Variants in SHOC1 observed in about 807,000 individuals in gnomAD.
SHOC1 encodes protein shortage in chiasmata 1 ortholog.
A neutral mutation model predicts 179.2 loss-of-function variants in SHOC1; 136 were observed. That is an observed-to-expected ratio of 0.76 (90% CI 0.66 to 0.87). The LOEUF (loss-of-function observed/expected upper bound fraction) is 0.87. Ranked by LOEUF, SHOC1 falls within the 40% of genes least tolerant of loss-of-function variation. SHOC1 has a pLI of 0.00. For synonymous variants in SHOC1, 489 were observed against 586.6 expected (o/e 0.83, Z 2.41); for missense variants, 1,538 against 1,700.8 (o/e 0.90, Z 1.68).
At chr9:111,743,512 A>C (rs1230948739) in intron 10 of SHOC1, among the ~76,000 whole-genome samples, 2 of 152,200 alleles carry the variant, frequency 1.3e-5, no homozygotes, top group East Asian at 3.8e-4. Flanking sequence ...CCCATTAGTC[A>C]CTTAGTAGCA....
intron 5 of SHOC1, among the ~76,000 whole-genome samples, chr9:111,759,859 T>A (rs892382259): frequency 3.3e-5 from 5 of 152,182 alleles, no homozygotes; most frequent in African/African-American, 1.2e-4. Flanking sequence ...TAACTTGATA[T>A]GCCTTAAGAG....
intron 24 of SHOC1, 72 bp from the exon 25 acceptor site, chr9:111,694,434 G>C (rs1015182429): frequency 2.7e-6 from 3 of 1,098,496 alleles, no homozygotes; most frequent in African/African-American, 1.6e-5. Flanking sequence ...TAAACAGTTT[G>C]TAATTAGAAG....
intron 27 of SHOC1, among the ~76,000 whole-genome samples, chr9:111,689,803 G>A (rs1831348028): frequency 1.3e-5 from 2 of 152,008 alleles, no homozygotes; most frequent in Admixed American, 6.5e-5. Flanking sequence ...AATATAGGTA[G>A]CTGTTTGACT....
At chr9:111,771,032 G>C (rs1835586694) in intron 5 of SHOC1, among the ~76,000 whole-genome samples, 4 of 152,034 alleles carry the variant, frequency 2.6e-5, no homozygotes, top group Admixed American at 2.6e-4. Flanking sequence ...ATTAAGTAAA[G>C]ACTTACTACT....
chr9:111,729,886 C>T lies in SHOC1; in HGVS notation c.1418-1837G>A, dbSNP rs1000081497. 5.1e-5 allele frequency among the ~76,000 whole-genome samples: 3 copies of T among 58,714 alleles called. No homozygotes were observed. The Admixed American group carries it at 6.2e-4, about 12-fold the overall frequency. The allele number at this position is 58,714 out of a possible 152,430, so 38.5% of individuals were successfully genotyped here. A position where few individuals can be genotyped will look rare whatever the true frequency, so the allele number is the denominator to read the frequency against. On this transcript the variant is annotated intron_variant, in intron 12 of 27. Coordinates refer to ENST00000682961, the MANE Select transcript of SHOC1 (RefSeq NM_001378211.1). ...CAGCCTGGTGAGAGTGAGACTTGGT[C>T]TCAAAAAAAAAAAAAAATTGGAGTC...
chr9:111,760,596 T>C (rs951625006), intron 5 of SHOC1, among the ~76,000 whole-genome samples: 2 of 151,668 alleles, frequency 1.3e-5, no homozygotes, highest in African/African-American at 4.8e-5. Flanking sequence ...CACTAAGTTA[T>C]CTGATAAAAA....
intron 16 of SHOC1, among the ~76,000 whole-genome samples, chr9:111,714,989 C>T (rs924547949): frequency 2.6e-5 from 4 of 152,104 alleles, no homozygotes; most frequent in East Asian, 1.9e-4. Flanking sequence ...GTATTTTATC[C>T]GTACAACTTT....
chr9:111,748,842 CCTTT>C (rs1834426969), intron 8 of SHOC1, among the ~76,000 whole-genome samples: 1 of 127,778 alleles, frequency 7.8e-6, no homozygotes, highest in African/African-American at 3.0e-5. Context: ...CTCCCTCCCT[CCTTT>C]GTTTCCAGCT....
At chr9:111,780,691 T>A (rs931940607) in intron 4 of SHOC1, among the ~76,000 whole-genome samples, 9 of 152,182 alleles carry the variant, frequency 5.9e-5, no homozygotes, top group African/African-American at 2.2e-4. Flanking sequence ...TTATAGCTAC[T>A]TTCTACAGAA....
chr9:111,702,910 G>C (rs1358676262), intron 22 of SHOC1, among the ~76,000 whole-genome samples: 1 of 152,112 alleles, frequency 6.6e-6, no homozygotes, highest in Non-Finnish European at 1.5e-5. Flanking sequence ...AAGAGTTCAA[G>C]ACCACCCTGG....
chr9:111,718,812 A>C (rs962604555), intron 15 of SHOC1, among the ~76,000 whole-genome samples: 6 of 152,198 alleles, frequency 3.9e-5, no homozygotes, highest in African/African-American at 9.6e-5. Flanking sequence ...TCACAGGGAC[A>C]GCCTTATTGC....
intron 10 of SHOC1, 82 bp from the exon 11 acceptor site, chr9:111,741,652 G>C: frequency 1.4e-6 from 1 of 732,338 alleles, no homozygotes. Context: ...TTATTTTTTT[G>C]AGGCAGAGTC....
At chr9:111,743,265 C>T (rs940187029) in intron 10 of SHOC1, among the ~76,000 whole-genome samples, 2 of 151,934 alleles carry the variant, frequency 1.3e-5, no homozygotes, top group Non-Finnish European at 2.9e-5. Flanking sequence ...TTTAGTTTTA[C>T]AGTTGAGATA....
At chr9:111,778,206 C>T (rs1196892297) in intron 4 of SHOC1, among the ~76,000 whole-genome samples, 2 of 151,992 alleles carry the variant, frequency 1.3e-5, no homozygotes, top group Admixed American at 6.5e-5. Context: ...CTTTGCATAA[C>T]CTGTGGACAC....
chr9:111,773,482 T>C (rs1056816265), intron 5 of SHOC1, among the ~76,000 whole-genome samples: 4 of 151,990 alleles, frequency 2.6e-5, no homozygotes, highest in Non-Finnish European at 5.9e-5. Flanking sequence ...CCAGCTAATT[T>C]TGTATTTTTG....
intron 21 of SHOC1, 80 bp from the exon 22 acceptor site, chr9:111,704,072 TGTTAA>T (rs1402619156): frequency 9.5e-6 from 6 of 629,484 alleles, no homozygotes; most frequent in East Asian, 5.8e-5. Flanking sequence ...CCCTCCTGCA[TGTTAA>T]GTTATTTGGA....
intron 26 of SHOC1, among the ~76,000 whole-genome samples, 185 bp from the exon 27 acceptor site, chr9:111,692,696 A>G (rs1589370546): frequency 6.6e-6 from 1 of 152,284 alleles, no homozygotes; most frequent in Non-Finnish European, 1.5e-5. Flanking sequence ...ATTCATACTT[A>G]TTTTCTAATC....
At chr9:111,694,388 T>C in intron 24 of SHOC1, 26 bp from the exon 25 acceptor site, 1 of 1,548,358 alleles carries the variant, frequency 6.5e-7, no homozygotes, top group Non-Finnish European at 8.8e-7. Flanking sequence ...TATGTTAGAT[T>C]ATAGGAAATA....
At chr9:111,739,143 A>T (rs1348166494) in intron 11 of SHOC1, among the ~76,000 whole-genome samples, 1 of 152,138 alleles carries the variant, frequency 6.6e-6, no homozygotes, top group Non-Finnish European at 1.5e-5. Context: ...CAGTAATATT[A>T]AGAAGAAATT....
Sources: gnomAD v4.1 joint callset for allele counts (sites outside exome capture counted in the v4.1 genomes callset) on GRCh38, gnomAD v4.1.1 for gene constraint, MANE v1.5 for transcripts, NCBI Gene and HGNC (gene_info 2026-07-23, HGNC 2026-07-21) for gene names.